IBA57: variants seen among roughly 807,000 people sequenced by gnomAD.
IBA57 encodes iron-sulfur cluster assembly factor IBA57, also known as iron-sulfur cluster assembly factor IBA57, mitochondrial.
A neutral mutation model predicts 20.4 loss-of-function variants in IBA57; 20 were observed. That is an observed-to-expected ratio of 0.98 (90% confidence interval 0.69 to 1.42). The LOEUF is 1.42. Ranked by LOEUF, IBA57 falls within the 40% of genes most tolerant of loss-of-function variation. The pLI, the probability that IBA57 is intolerant of heterozygous loss-of-function variation, is 0.00. For synonymous variants in IBA57, 310 were observed against 233.9 expected, an observed-to-expected ratio of 1.33 and a Z score of -2.97; for missense variants, 608 against 499.3, an observed-to-expected ratio of 1.22 and a Z score of -2.07.
chr1:228,169,327 G>A (rs187486917), intron 1 of IBA57, among the ~76,000 whole-genome samples: 2 of 152,086 alleles, frequency 1.3e-5, no homozygotes, highest in South Asian at 2.1e-4. Flanking sequence ...CTGAGCCATC[G>A]CTTCCTTAAA....
In IBA57 at chr1:228,175,630, TTCCATCTGGGAAAG is replaced by T. The variant is rs2035006346; in HGVS notation, c.*121_*134del. ...GCGCCTACTGGGTGGGAGCCCTGGT[TTCCATCTGGGAAAG>T]TCCCCCTTGTAGGTGCCCTGCCTGG... On this transcript the variant is annotated 3_prime_UTR_variant, in exon 3 of 3. Coordinates refer to ENST00000366711, the MANE Select transcript of IBA57 (RefSeq NM_001010867.4). 1.5e-6 allele frequency: 2 copies of T among 1,345,370 alleles called. No homozygotes were observed. Among genetic ancestry groups the T allele is most frequent in the African/African-American group, 2.9e-5 (2 of 67,910 alleles). 83.3% of individuals were successfully genotyped at this position (1,345,370 alleles called of 1,614,324 possible). A position where few individuals can be genotyped will look rare whatever the true frequency, so the allele number is the denominator to read the frequency against.
Position 228,180,004 on chromosome 1 carries a change from AAATT to A in IBA57, c.*4493_*4496del, listed in dbSNP as rs2035082449. On this transcript the variant is annotated 3_prime_UTR_variant, in exon 3 of 3. Coordinates refer to ENST00000366711, the MANE Select transcript of IBA57 (RefSeq NM_001010867.4). ...AACCCTGTCTCTACTAAAAATATAA[AAATT>A]AGCTGGGTGTGGTGGCATATTCCTG... is the stretch of plus-strand genomic sequence containing the variant. 6.6e-6 allele frequency: 1 copy of A among 151,840 alleles called. No homozygotes were observed. Among genetic ancestry groups the A allele is most frequent in the African/African-American group, 2.4e-5 (1 of 41,312 alleles). 9.4% of individuals were successfully genotyped at this position (151,840 alleles called of 1,614,324 possible).
rs2035088885 is a variant in IBA57 at position 228,180,276 on chromosome 1, T to C, written c.*4763T>C. ...AGAGCGTCTAAGGCATGTCTGGGCT[T>C]CTGGCGAGGGATCCTGTGGGGAAGC... On this transcript the variant is annotated 3_prime_UTR_variant, in exon 3 of 3. Coordinates refer to ENST00000366711, the MANE Select transcript of IBA57 (RefSeq NM_001010867.4). The C allele has an allele frequency of 6.6e-6, 1 of 151,932 alleles. No homozygotes were observed. Among genetic ancestry groups the C allele is most frequent in the Non-Finnish European group, 1.5e-5 (1 of 68,008 alleles). 9.4% of individuals were successfully genotyped at this position (151,932 alleles called of 1,614,324 possible).
At chr1:228,174,159 C>A (rs1363285339) in intron 1 of IBA57, among the ~76,000 whole-genome samples, 11 of 139,474 alleles carry the variant, frequency 7.9e-5, no homozygotes, top group African/African-American at 3.1e-4. Flanking sequence ...GGGCGTGGCT[C>A]GCTGTGGGCG....
At chr1:228,169,412 A>G (rs918637539) in intron 1 of IBA57, among the ~76,000 whole-genome samples, 8 of 152,106 alleles carry the variant, frequency 5.3e-5, no homozygotes, top group Non-Finnish European at 2.9e-5. Flanking sequence ...TTGTCTTTTA[A>G]TAGGAGTTGC....
In IBA57 at chr1:228,175,235, C is replaced by T; in HGVS notation, c.793C>T (p.Leu265=). Residue 265 remains leucine (L), a synonymous_variant, in exon 3 of 3, where the codon CTG becomes TTG. Coordinates refer to ENST00000366711, the MANE Select transcript of IBA57 (RefSeq NM_001010867.4). ...FTKGCYIGQE[L]TARTHHMGVI... is the part of the protein sequence containing the mutation. ...CAAAGGCTGCTACATTGGCCAGGAG[C>T]TGACGGCCCGCACCCACCACATGGG... 1 of 1,612,908 alleles carries T rather than the reference C, an allele frequency of 6.2e-7. No homozygotes were observed. Among genetic ancestry groups the T allele is most frequent in the Non-Finnish European group, 8.5e-7 (1 of 1,179,996 alleles).
chr1:228,174,157 C>T (rs1267320377), intron 1 of IBA57, among the ~76,000 whole-genome samples: 1 of 136,786 alleles, frequency 7.3e-6, no homozygotes, highest in Non-Finnish European at 1.6e-5. Flanking sequence ...GTGGGCGTGG[C>T]TCGCTGTGGG....
intron 1 of IBA57, among the ~76,000 whole-genome samples, chr1:228,174,195 G>GCGTGTGGTGACC (rs1386471345): frequency 0.018 from 904 of 50,258 alleles, 9 homozygotes; most frequent in Non-Finnish European, 0.024. Context: ...GTGGCTCGCT[G>GCGTGTGGTGACC]TGGGCGTGGC....
At chr1:228,166,257 C>A in intron 1 of IBA57, 100 bp downstream of exon 1, 2 of 96,410 alleles carry the variant, frequency 2.1e-5, no homozygotes, top group Non-Finnish European at 1.8e-5. Context: ...CTGCAGAGGG[C>A]GTGGGGGGTG....
In IBA57 at chr1:228,181,443, G is replaced by A. The variant is rs922713881; in HGVS notation, c.*5930G>A. The A allele has an allele frequency of 2.0e-5, 3 of 152,306 alleles. No individual in the cohort carries two copies. The highest frequency in any genetic ancestry group is 6.5e-5 in the Admixed American group (1 of 15,272). The allele number at this position is 152,306 out of a possible 1,614,324, so 9.4% of individuals were successfully genotyped here. A position where few individuals can be genotyped will look rare whatever the true frequency, so the allele number is the denominator to read the frequency against. On this transcript the variant is annotated 3_prime_UTR_variant, in exon 3 of 3. Transcript: ENST00000366711. ...ACCTGGAGCCGTCCCTGTCTCACCT[G>A]GAAGCTCTCCCACTCCTCTGGCCAG...
rs570075795 is a variant in IBA57 at position 228,175,169 on chromosome 1, C to G, written c.727C>G (p.Leu243Val). ...RDLPPGVALP[L>V]ESNLAFMNGV... is the part of the protein sequence containing the mutation. Reference sequence around the variant, plus strand: ...CTTGCCTCCTGGGGTGGCCCTGCCCCTGGAGTCCAACCTGGCCTTCATGAA... The same window carrying G: ...CTTGCCTCCTGGGGTGGCCCTGCCCGTGGAGTCCAACCTGGCCTTCATGAA... Residue 243 changes from leucine to valine, a missense_variant, in exon 3 of 3, where the codon CTG (leucine) becomes GTG (valine). Transcript: ENST00000366711. 6.2e-7 allele frequency: 1 copy of G among 1,612,936 alleles called. No individual in the cohort carries two copies.
At chr1:228,175,098 GT>G in intron 2 of IBA57, 23 bp from the exon 3 acceptor site, 1 of 1,601,632 alleles carries the variant, frequency 6.2e-7, no homozygotes, top group Non-Finnish European at 8.5e-7. Flanking sequence ...ATTCTCGCTG[GT>G]TTCCCCCCTC....
intron 1 of IBA57, among the ~76,000 whole-genome samples, chr1:228,166,875 G>T (rs1357759990): frequency 6.6e-6 from 1 of 152,164 alleles, no homozygotes; most frequent in Admixed American, 6.5e-5. Context: ...TGGCGGACCC[G>T]GTTCTTGTTC....
chr1:228,174,496 G>A, intron 1 of IBA57, 196 bp from the exon 2 acceptor site: 1 of 341,522 alleles, frequency 2.9e-6, no homozygotes, highest in Non-Finnish European at 5.1e-6. Flanking sequence ...GGCGTGGCTC[G>A]CTGTGGGCGT....
rs975504788 is a variant in IBA57 at position 228,181,440 on chromosome 1, C to T, written c.*5927C>T. On this transcript the variant is annotated 3_prime_UTR_variant, in exon 3 of 3. Coordinates refer to ENST00000366711, the MANE Select transcript of IBA57 (RefSeq NM_001010867.4). ...CTCACCTGGAGCCGTCCCTGTCTCA[C>T]CTGGAAGCTCTCCCACTCCTCTGGC... The T allele has an allele frequency of 6.6e-6, 1 of 152,350 alleles. No homozygotes were observed. Among genetic ancestry groups the T allele is most frequent in the Non-Finnish European group, 1.5e-5 (1 of 68,128 alleles). The allele number at this position is 152,350 out of a possible 1,614,324, so 9.4% of individuals were successfully genotyped here. A position where few individuals can be genotyped will look rare whatever the true frequency, so the allele number is the denominator to read the frequency against.
rs776967012 is a variant in IBA57 at position 228,166,047 on chromosome 1, A to C, written c.231A>C (p.Glu77Asp). 7.8e-6 allele frequency: 12 copies of C among 1,538,260 alleles called. No homozygotes were observed. The Middle Eastern group carries it at 1.2e-3, about 151-fold the overall frequency. The part of the protein sequence containing the change: ...APFLLGLLTN[E>D]LPLPSPAAAG... ...TCCTGCTAGGGCTGCTGACCAATGA[A>C]CTGCCGCTTCCGAGTCCTGCGGCCG... The change falls in exon 1 of 3, where the codon GAA (glutamate) becomes GAC (aspartate). Residue 77 changes from glutamate to aspartate, a missense_variant. Glu to Asp is a conservative substitution (Grantham distance 45, BLOSUM62 2). Coordinates refer to ENST00000366711, the MANE Select transcript of IBA57 (RefSeq NM_001010867.4).
rs1389295514 is a variant in IBA57 at position 228,181,723 on chromosome 1, C to T, written c.*6210C>T. On this transcript the variant is annotated 3_prime_UTR_variant, in exon 3 of 3. Transcript: ENST00000366711. ...AGTGAGTGCAGCATTTACATTCCCA[C>T]CAGAAGTGTGCCAGGTTCTTGTCAT... The T allele has an allele frequency of 6.6e-6, 1 of 152,286 alleles. No individual in the cohort carries two copies. Among genetic ancestry groups the T allele is most frequent in the East Asian group, 1.9e-4 (1 of 5,208 alleles). The allele number at this position is 152,286 out of a possible 1,614,324, so 9.4% of individuals were successfully genotyped here.
intron 1 of IBA57, among the ~76,000 whole-genome samples, chr1:228,168,888 C>A (rs775745387): frequency 6.6e-6 from 1 of 152,110 alleles, no homozygotes; most frequent in African/African-American, 2.4e-5. Context: ...ACTTGAAACC[C>A]TCTAGCTTCA....
chr1:228,180,681 C>G lies in IBA57; in HGVS notation c.*5168C>G, dbSNP rs1279199371. ...TTTTTTTTTTTGAGACAGAGTCTCA[C>G]TCTTGCCCAGGCTGGAGTGGAGTGG... is the stretch of plus-strand genomic sequence containing the variant. On this transcript the variant is annotated 3_prime_UTR_variant, in exon 3 of 3. Transcript: ENST00000366711. 3.3e-5 allele frequency: 5 copies of G among 151,008 alleles called. No homozygotes were observed. The highest frequency in any genetic ancestry group is 7.4e-5 in the Non-Finnish European group (5 of 67,788). The allele number at this position is 151,008 out of a possible 1,614,324, so 9.4% of individuals were successfully genotyped here. A position where few individuals can be genotyped will look rare whatever the true frequency, so the allele number is the denominator to read the frequency against.
Sources: allele counts gnomAD v4.1 joint callset (sites outside exome capture counted in the v4.1 genomes callset), GRCh38; gene constraint gnomAD v4.1.1; transcripts MANE v1.5; gene names NCBI Gene and HGNC (gene_info 2026-07-23, HGNC 2026-07-21).